Variants in XYLT1 observed in about 807,000 individuals in gnomAD.
The protein encoded by XYLT1 is xylosyltransferase 1.
A neutral mutation model predicts 91.3 loss-of-function variants in XYLT1; 36 were observed. The ratio of observed to expected loss-of-function variants is 0.39; its 90% confidence interval spans 0.30 to 0.52. The LOEUF is 0.52. Ranked by LOEUF, XYLT1 falls within the 20% of genes least tolerant of loss-of-function variation. The pLI, the probability that XYLT1 is intolerant of heterozygous loss-of-function variation, is 0.68. For missense variants in XYLT1, 1,242 were observed against 1,284.5 expected (o/e 0.97, Z 0.51); for synonymous variants, 588 against 532.0 (o/e 1.11, Z -1.45).
chr16:17,161,475 C>G (rs2031550752), intron 5 of XYLT1, among the ~76,000 whole-genome samples: 1 of 152,180 alleles, frequency 6.6e-6, no homozygotes, highest in African/African-American at 2.4e-5. Flanking sequence ...CGCTCTCCCT[C>G]TGTGTGAAAT....
chr16:17,264,330 T>C (rs1332448261), intron 2 of XYLT1, among the ~76,000 whole-genome samples: 2 of 152,234 alleles, frequency 1.3e-5, no homozygotes, highest in African/African-American at 4.8e-5. Context: ...ACGTGTACTA[T>C]CTGTCCTTCT....
chr16:17,116,086 A>G (rs1396216104), intron 11 of XYLT1, among the ~76,000 whole-genome samples: 1 of 152,098 alleles, frequency 6.6e-6, no homozygotes, highest in African/African-American at 2.4e-5. Context: ...TTTATGCTTT[A>G]CAAGTATGGA....
intron 2 of XYLT1, among the ~76,000 whole-genome samples, chr16:17,328,394 A>G (rs971176608): frequency 6.6e-6 from 1 of 151,700 alleles, no homozygotes; most frequent in East Asian, 1.9e-4. Flanking sequence ...TAAAAATACA[A>G]AAAAATTAGC....
At chr16:17,364,623 T>C (rs976281868) in intron 1 of XYLT1, among the ~76,000 whole-genome samples, 2 of 152,170 alleles carry the variant, frequency 1.3e-5, no homozygotes, top group Non-Finnish European at 1.5e-5. Context: ...TGAGCAAATT[T>C]AGCTAATTCG....
intron 5 of XYLT1, among the ~76,000 whole-genome samples, chr16:17,187,522 G>A (rs1003665439): frequency 4.1e-5 from 5 of 121,458 alleles, no homozygotes; most frequent in Non-Finnish European, 6.3e-5. Flanking sequence ...AGCCAAGATC[G>A]CACCACTGTA....
chr16:17,316,876 C>T (rs1205215942), intron 2 of XYLT1, among the ~76,000 whole-genome samples: 1 of 149,048 alleles, frequency 6.7e-6, no homozygotes, highest in Non-Finnish European at 1.5e-5. Flanking sequence ...GGCTGGAGTG[C>T]AGTGGCGCAA....
intron 6 of XYLT1, among the ~76,000 whole-genome samples, chr16:17,149,972 G>C (rs773734529): frequency 2.0e-5 from 3 of 152,090 alleles, no homozygotes; most frequent in Non-Finnish European, 4.4e-5. Flanking sequence ...ATTTCTATCT[G>C]TCCTATTCTC....
intron 2 of XYLT1, among the ~76,000 whole-genome samples, chr16:17,327,868 A>C (rs539850148): frequency 6.6e-6 from 1 of 152,152 alleles, no homozygotes; most frequent in African/African-American, 2.4e-5. Flanking sequence ...AGTAACTAAC[A>C]GCCAGCTCTG....
intron 5 of XYLT1, among the ~76,000 whole-genome samples, chr16:17,177,599 A>C (rs2031973128): frequency 6.6e-6 from 1 of 152,180 alleles, no homozygotes; most frequent in South Asian, 2.1e-4. Context: ...GAATGAACAA[A>C]TTCACAGTGA....
chr16:17,431,120 G>T (rs917295220), intron 1 of XYLT1, among the ~76,000 whole-genome samples: 2 of 152,194 alleles, frequency 1.3e-5, no homozygotes, highest in Non-Finnish European at 2.9e-5. Flanking sequence ...CAGCTACTCA[G>T]CTCTGCAGTG....
chr16:17,148,822 T>C (rs2031205311), intron 6 of XYLT1, among the ~76,000 whole-genome samples: 1 of 152,182 alleles, frequency 6.6e-6, no homozygotes, highest in South Asian at 2.1e-4. Flanking sequence ...AAAAAGACAA[T>C]GCCCAGAAAT....
At chr16:17,113,763 C>T (rs1268361749) in intron 11 of XYLT1, among the ~76,000 whole-genome samples, 2 of 152,228 alleles carry the variant, frequency 1.3e-5, no homozygotes, top group East Asian at 3.8e-4. Flanking sequence ...ACACAGTTGT[C>T]ATGCTTCAGT....
At chr16:17,462,547 C>T (rs1312487507) in intron 1 of XYLT1, among the ~76,000 whole-genome samples, 1 of 152,178 alleles carries the variant, frequency 6.6e-6, no homozygotes, top group East Asian at 1.9e-4. Context: ...GAAGTGTCCG[C>T]AAGATGATCC....
intron 3 of XYLT1, among the ~76,000 whole-genome samples, chr16:17,237,413 C>T (rs2033265919): frequency 6.6e-6 from 1 of 152,192 alleles, no homozygotes; most frequent in African/African-American, 2.4e-5. Context: ...TGCCTTCCCA[C>T]ACTCAGCAAT....
chr16:17,158,394 C>T (rs1341223347), intron 6 of XYLT1, among the ~76,000 whole-genome samples: 4 of 152,206 alleles, frequency 2.6e-5, no homozygotes, highest in Admixed American at 6.5e-5. Context: ...AGGACTTGGT[C>T]TTGTTTGCGG....
At chr16:17,357,923 G>T in intron 2 of XYLT1, 89 bp downstream of exon 2, 1 of 1,456,654 alleles carries the variant, frequency 6.9e-7, no homozygotes, top group Non-Finnish European at 9.4e-7. Flanking sequence ...CCATGGGCCT[G>T]TCCAGCCTTT....
chr16:17,330,136 C>CACACACA (rs1172699737), intron 2 of XYLT1, among the ~76,000 whole-genome samples: 1 of 151,626 alleles, frequency 6.6e-6, no homozygotes, highest in Non-Finnish European at 1.5e-5. Flanking sequence ...CACACACACA[C>CACACACA]AGCTGTCAGC....
At chr16:17,264,335 CCTT>C (rs2033769795) in intron 2 of XYLT1, among the ~76,000 whole-genome samples, 1 of 152,176 alleles carries the variant, frequency 6.6e-6, no homozygotes, top group Non-Finnish European at 1.5e-5. Context: ...TACTATCTGT[CCTT>C]CTGTGACTGG....
chr16:17,376,833 A>C (rs1440670647), intron 1 of XYLT1, among the ~76,000 whole-genome samples: 1 of 139,390 alleles, frequency 7.2e-6, no homozygotes, highest in Non-Finnish European at 1.6e-5. Context: ...GTCTCAAAAA[A>C]AAAAAAAAAA....
Sources: allele counts gnomAD v4.1 joint callset (sites outside exome capture counted in the v4.1 genomes callset), GRCh38; gene constraint gnomAD v4.1.1; transcripts MANE v1.5; gene names NCBI Gene and HGNC (gene_info 2026-07-23, HGNC 2026-07-21).